The following BBS4 variants were observed in gnomAD, a reference collection of about 807,000 sequenced individuals.
The protein encoded by BBS4 is BBSome complex member BBS4.
In BBS4, 58 loss-of-function variants were observed where a neutral mutation model predicts 71.4. The ratio of observed to expected loss-of-function variants is 0.81; its 90% CI spans 0.66 to 1.01. BBS4 has a LOEUF of 1.01. BBS4 is among the 50% of genes least tolerant of loss of function. The probability of loss-of-function intolerance (pLI) is 0.00; values close to 1 mark genes in which losing one functional copy is unlikely to be tolerated. For synonymous variants in BBS4, 228 were observed against 216.8 expected (o/e 1.05, Z -0.46); for missense variants, 660 against 607.9 (o/e 1.09, Z -0.90).
rs959004729 is a variant in BBS4 at position 72,731,657 on chromosome 15, G to A, written c.967G>A (p.Ala323Thr). The A allele has an allele frequency of 2.5e-6, 4 of 1,614,082 alleles. No homozygotes were observed. Among genetic ancestry groups the A allele is most frequent in the Admixed American group, 1.7e-5 (1 of 60,008 alleles). The change falls in exon 12 of 16, where the codon GCT (alanine) becomes ACT (threonine). Residue 323 changes from alanine (A) to threonine (T), a missense_variant. Ala to Thr is a moderately conservative substitution (Grantham distance 58). Transcript: ENST00000268057. ...TTTGACCATGCAGCAGTATGCATCA[G>A]CTTTTCATTTTCTCAGTGCGGCCAT... is the stretch of plus-strand genomic sequence containing the variant. ...VHLTMQQYAS[A>T]FHFLSAAINF...
chr15:72,729,161 C>CTTTTTT (rs71137313), intron 9 of BBS4, among the ~76,000 whole-genome samples: 8 of 70,034 alleles, frequency 1.1e-4, no homozygotes, highest in African/African-American at 2.8e-4. Context: ...ACTGTAGCTG[C>CTTTTTT]TTTTTTTTTT....
At chr15:72,731,498 T>G (rs201470634) in intron 11 of BBS4, 41 bp downstream of exon 11, 1 of 1,614,176 alleles carries the variant, frequency 6.2e-7, no homozygotes, top group East Asian at 2.2e-5. Context: ...TTTCTACATG[T>G]GGTTATTGGG....
chr15:72,728,199 C>G (rs1272294072), intron 9 of BBS4, among the ~76,000 whole-genome samples: 1 of 152,108 alleles, frequency 6.6e-6, no homozygotes, highest in African/African-American at 2.4e-5. Context: ...TAGCCTAGTG[C>G]AATTATAATT....
chr15:72,735,404 CA>C, intron 13 of BBS4: 1 of 574,874 alleles, frequency 1.7e-6, no homozygotes, highest in East Asian at 3.1e-5. Context: ...ACTGAGTAAT[CA>C]GGAGGCTAGA....
At chr15:72,708,985 C>T (rs2065316612) in intron 2 of BBS4, among the ~76,000 whole-genome samples, 1 of 152,184 alleles carries the variant, frequency 6.6e-6, no homozygotes, top group Non-Finnish European at 1.5e-5. Context: ...AGTAATTTTG[C>T]TTTTGCCTTT....
chr15:72,736,864 T>G lies in BBS4; in HGVS notation c.1351T>G (p.Ser451Ala), dbSNP rs549168948. Residue 451 changes from serine to alanine, a missense_variant, in exon 15 of 16, where the codon TCA (serine) becomes GCA (alanine). Coordinates refer to ENST00000268057, the MANE Select transcript of BBS4 (RefSeq NM_033028.5). ...TCCCAAATCAAAGCACCAGACCACTTCAACCAGCAAACCTGCCAGTTTCCA... is the reference window on the plus strand; with the variant it reads ...TCCCAAATCAAAGCACCAGACCACTGCAACCAGCAAACCTGCCAGTTTCCA... The part of the protein sequence containing the change: ...KDPKSKHQTT[S>A]TSKPASFQQP... 2.5e-6 allele frequency: 4 copies of G among 1,614,188 alleles called. No homozygotes were observed. The African/African-American group carries it at 4.0e-5, about 16-fold the overall frequency.
At chr15:72,695,279 TTTTA>T (rs771109877) in intron 2 of BBS4, 51 bp downstream of exon 2, 44 of 1,262,990 alleles carry the variant, frequency 3.5e-5, no homozygotes, top group Middle Eastern at 2.4e-4. Context: ...CAGATTTCTC[TTTTA>T]TTTATTTATT....
chr15:72,709,854 G>T, intron 3 of BBS4, 75 bp downstream of exon 3: 1 of 1,218,046 alleles, frequency 8.2e-7, no homozygotes, highest in Non-Finnish European at 1.2e-6. Context: ...GCTAAACAGA[G>T]TGTGGCAGTT....
chr15:72,735,451 T>C, intron 13 of BBS4: 1 of 531,750 alleles, frequency 1.9e-6, no homozygotes, highest in Non-Finnish European at 3.4e-6. Flanking sequence ...GGGTTGCTGA[T>C]AGCTATGGGC....
In BBS4 at chr15:72,738,266, A is replaced by T. The variant is rs1211007338; in HGVS notation, c.*679A>T. On this transcript the variant is annotated 3_prime_UTR_variant, in exon 16 of 16. Coordinates refer to ENST00000268057, the MANE Select transcript of BBS4 (RefSeq NM_033028.5). ...GAGCAGCAGCCCAGGGCTTGTCTGG[A>T]TCAGCACCAACGATTTTAAAGAAAA... The T allele has an allele frequency of 2.2e-6, 1 of 454,052 alleles. No individual in the cohort carries two copies. The highest frequency in any genetic ancestry group is 1.6e-5 in the South Asian group (1 of 64,472). 28.1% of individuals were successfully genotyped at this position (454,052 alleles called of 1,614,324 possible). A position where few individuals can be genotyped will look rare whatever the true frequency, so the allele number is the denominator to read the frequency against.
Position 72,731,737 on chromosome 15 carries a change from T to C in BBS4, c.1036+11T>C. The C allele has an allele frequency of 3.7e-6, 6 of 1,613,936 alleles. No homozygotes were observed. Among genetic ancestry groups the C allele is most frequent in the Non-Finnish European group, 5.1e-6 (6 of 1,179,972 alleles). ...ACATGCTCTTGGCAGGTAAGAAACA[T>C]TTATGTGGAAAACTCTCTCTGCCAT... On this transcript the variant is annotated intron_variant, in intron 12 of 15. Coordinates refer to ENST00000268057, the MANE Select transcript of BBS4 (RefSeq NM_033028.5).
chr15:72,710,195 G>GTTTTTTTTTTTTTT (rs66684005), intron 3 of BBS4, among the ~76,000 whole-genome samples: 1 of 103,436 alleles, frequency 9.7e-6, no homozygotes, highest in African/African-American at 3.7e-5. Flanking sequence ...ATTTTGTCGA[G>GTTTTTTTTTTTTTT]TTTTTTTTTT....
At chr15:72,730,271 T>C (rs62017591) in intron 10 of BBS4, among the ~76,000 whole-genome samples, 10 of 124,466 alleles carry the variant, frequency 8.0e-5, no homozygotes, top group East Asian at 4.3e-4. Context: ...AGAGCGAGAC[T>C]CTGTCTCAAA....
chr15:72,713,314 GACACACACACACACACAC>G lies in BBS4; in HGVS notation c.220+1026_220+1043del, dbSNP rs36072427. ...TTTGTGACCCATCTAAGGTCTTTGT[GACACACACACACACACAC>G]ACACACACACACACACACGCACACG... On this transcript the variant is annotated intron_variant, in intron 4 of 15. Transcript: ENST00000268057. Among the ~76,000 whole-genome samples the G allele has an allele frequency of 9.8e-5, 14 of 143,554 alleles. 1 individual carries two copies. Among genetic ancestry groups the G allele is most frequent in the East Asian group, 6.0e-4 (3 of 4,988 alleles). 94.2% of individuals were successfully genotyped at this position (143,554 alleles called of 152,430 possible). A position where few individuals can be genotyped will look rare whatever the true frequency, so the allele number is the denominator to read the frequency against.
At chr15:72,703,002 G>A (rs2065203289) in intron 2 of BBS4, among the ~76,000 whole-genome samples, 1 of 14,000 alleles carries the variant, frequency 7.1e-5, no homozygotes, top group Admixed American at 2.1e-3. Flanking sequence ...GTAGAGACGG[G>A]GTTTCACCTT....
At chr15:72,720,183 G>A (rs965190504) in intron 6 of BBS4, among the ~76,000 whole-genome samples, 6 of 151,432 alleles carry the variant, frequency 4.0e-5, no homozygotes, top group Non-Finnish European at 5.9e-5. Flanking sequence ...ATAAGTACCT[G>A]TAGAAAACCT....
intron 8 of BBS4, among the ~76,000 whole-genome samples, chr15:72,726,824 A>G (rs2065711772): frequency 6.6e-6 from 1 of 152,254 alleles, no homozygotes; most frequent in African/African-American, 2.4e-5. Flanking sequence ...CTCTTTGAGA[A>G]TAGCATACAT....
At chr15:72,696,427 C>T (rs2065078039) in intron 2 of BBS4, among the ~76,000 whole-genome samples, 1 of 152,060 alleles carries the variant, frequency 6.6e-6, no homozygotes, top group South Asian at 2.1e-4. Flanking sequence ...TGAAACTAGC[C>T]ATGTAACCAC....
intron 6 of BBS4, among the ~76,000 whole-genome samples, chr15:72,721,649 CA>C (rs1016430937): frequency 6.6e-6 from 1 of 152,142 alleles, no homozygotes; most frequent in Admixed American, 6.5e-5. Flanking sequence ...AGTAGGTGCT[CA>C]ACCAATGGTT....
Sources: gnomAD v4.1 joint callset for allele counts (sites outside exome capture counted in the v4.1 genomes callset) on GRCh38, gnomAD v4.1.1 for gene constraint, MANE v1.5 for transcripts, NCBI Gene and HGNC (gene_info 2026-07-23, HGNC 2026-07-21) for gene names.